TMEM220: variants seen among roughly 807,000 people sequenced by gnomAD.
TMEM220 encodes the protein transmembrane protein 220.
Under a neutral mutation model 21.7 loss-of-function variants are expected in TMEM220, and 21 were observed. That is an observed-to-expected ratio of 0.97 (90% CI 0.69 to 1.39). The LOEUF is 1.39. Among genes scored for constraint, TMEM220 ranks in the 40% most tolerant of loss-of-function variants. The probability of loss-of-function intolerance (pLI) is 0.00; values close to 1 mark genes in which losing one functional copy is unlikely to be tolerated. For missense variants in TMEM220, 191 were observed against 201.9 expected (o/e 0.95, Z 0.33); for synonymous variants, 80 against 73.6 (o/e 1.09, Z -0.45).
chr17:10,728,511 A>G (rs1462063666), intron 2 of TMEM220, among the ~76,000 whole-genome samples: 1 of 151,968 alleles, frequency 6.6e-6, no homozygotes, highest in Non-Finnish European at 1.5e-5. Context: ...GGGTTTCACC[A>G]TGTTGCTCAG....
At chr17:10,724,579 CA>C (rs11302864) in intron 4 of TMEM220, 75,367 of 128,448 alleles carry the variant, frequency 0.59, 20,033 homozygotes, top group African/African-American at 0.76. Context: ...GACTCCGTTT[CA>C]AAAAAAAAAA....
chr17:10,712,928 T>G (rs2074864621), downstream of TMEM220, among the ~76,000 whole-genome samples: 1 of 152,102 alleles, frequency 6.6e-6, no homozygotes, highest in Non-Finnish European at 1.5e-5. Flanking sequence ...GTGATTAGAT[T>G]TGTGTGAAAT....
chr17:10,722,184 G>A (rs1172443498), intron 5 of TMEM220, among the ~76,000 whole-genome samples: 5 of 152,018 alleles, frequency 3.3e-5, no homozygotes, highest in African/African-American at 1.2e-4. Context: ...TAGTAGAGAC[G>A]GGGTTTCGCC....
At chr17:10,713,190 G>C (rs2074866856), downstream of TMEM220, 1 of 150,150 alleles carries the variant, frequency 6.7e-6, no homozygotes. Context: ...AGAATCACTT[G>C]AACCCAGGAG....
At chr17:10,722,096 G>A (rs750173414) in intron 5 of TMEM220, among the ~76,000 whole-genome samples, 13 of 151,602 alleles carry the variant, frequency 8.6e-5, no homozygotes, top group Non-Finnish European at 1.8e-4. Flanking sequence ...GGGTTCAAGC[G>A]ATTCTCTTGC....
At chr17:10,713,108 TA>T (rs1182600567), downstream of TMEM220, among the ~76,000 whole-genome samples, 4 of 151,794 alleles carry the variant, frequency 2.6e-5, no homozygotes, top group African/African-American at 9.7e-5. Flanking sequence ...CCGTCTCTAC[TA>T]AAAATACAAA....
chr17:10,715,709 T>C (rs1189019576), intron 5 of TMEM220, 121 bp from the exon 6 acceptor site: 3 of 662,436 alleles, frequency 4.5e-6, no homozygotes, highest in African/African-American at 1.9e-5. Context: ...AGTTGTTTTA[T>C]TGAAATATAA....
rs1295886121 is a variant in TMEM220 at position 10,723,255 on chromosome 17, G to T, written c.347+15C>A. 1.2e-6 allele frequency: 2 copies of T among 1,612,296 alleles called. No homozygotes were observed. Among genetic ancestry groups the T allele is most frequent in the East Asian group, 4.5e-5 (2 of 44,584 alleles). Reference sequence around the variant, plus strand: ...CGGCCTCCCAAAGTGAAGATGTGATGAGTTGAATACTTACTTTGAGGAACT... The same window carrying T: ...CGGCCTCCCAAAGTGAAGATGTGATTAGTTGAATACTTACTTTGAGGAACT... On this transcript the variant is annotated intron_variant, in intron 5 of 5. Coordinates refer to ENST00000341871, the MANE Select transcript of TMEM220 (RefSeq NM_001004313.3).
chr17:10,716,651 G>T, intron 5 of TMEM220: 4 of 383,078 alleles, frequency 1.0e-5, no homozygotes, highest in South Asian at 2.3e-5. Flanking sequence ...TGGAAAGTAG[G>T]GGTTGTTTCA....
At chr17:10,719,885 T>TG (rs769081237) in intron 5 of TMEM220, among the ~76,000 whole-genome samples, 1 of 152,152 alleles carries the variant, frequency 6.6e-6, no homozygotes, top group Non-Finnish European at 1.5e-5. Flanking sequence ...AACCTTAGAA[T>TG]CAGGTTAAAC....
Position 10,723,258 on chromosome 17 carries a change from T to G in TMEM220, c.347+12A>C, listed in dbSNP as rs372066174. On this transcript the variant is annotated intron_variant, in intron 5 of 5. Transcript: ENST00000341871. ...CCTCCCAAAGTGAAGATGTGATGAG[T>G]TGAATACTTACTTTGAGGAACTGTG... 1.2e-5 allele frequency: 19 copies of G among 1,613,140 alleles called. No homozygotes were observed. Among genetic ancestry groups the G allele is most frequent in the Non-Finnish European group, 1.6e-5 (19 of 1,179,500 alleles).
intron 2 of TMEM220, among the ~76,000 whole-genome samples, chr17:10,727,702 C>A (rs998462004): frequency 3.9e-5 from 6 of 152,120 alleles, no homozygotes; most frequent in Non-Finnish European, 7.4e-5. Context: ...ACTAAAAAAA[C>A]AAAACCTGGA....
chr17:10,723,098 A>G (rs938542512), intron 5 of TMEM220, among the ~76,000 whole-genome samples, 172 bp downstream of exon 5: 13 of 150,898 alleles, frequency 8.6e-5, no homozygotes, highest in African/African-American at 2.4e-4. Flanking sequence ...CCCCTGCCTC[A>G]GCCTCCCAAG....
At chr17:10,726,452 C>T in intron 2 of TMEM220, 188 bp from the exon 3 acceptor site, 1 of 612,398 alleles carries the variant, frequency 1.6e-6, no homozygotes, top group South Asian at 1.9e-5. Context: ...CGTCTGCCTG[C>T]AATTTTATCT....
downstream of TMEM220, chr17:10,711,263 G>A (rs1279390492): frequency 1.3e-6 from 1 of 774,944 alleles, no homozygotes; most frequent in Non-Finnish European, 2.0e-6. Context: ...TGTATTTATA[G>A]TTTCAGTGTG....
At chr17:10,718,264 C>T (rs2074946395) in intron 5 of TMEM220, among the ~76,000 whole-genome samples, 1 of 152,084 alleles carries the variant, frequency 6.6e-6, no homozygotes, top group Non-Finnish European at 1.5e-5. Flanking sequence ...ATCATATCCA[C>T]TTATGATTTT....
At position 10,713,636 on chromosome 17, in the gene TMEM220, C is replaced by A. The variant is rs530408471; in HGVS notation, c.*1817G>T. The A allele has an allele frequency of 6.6e-6, 1 of 152,148 alleles. No homozygotes were observed. Among genetic ancestry groups the A allele is most frequent in the African/African-American group, 2.4e-5 (1 of 41,444 alleles). 9.4% of individuals were successfully genotyped at this position (152,148 alleles called of 1,614,324 possible). ...CACAAATATGTAAGCAAAATATACA[C>A]TGGAAAACTCAAATCCTTTATGTGT... On this transcript the variant is annotated 3_prime_UTR_variant, in exon 6 of 6. Transcript: ENST00000341871.
At chr17:10,727,137 C>G (rs2075057756) in intron 2 of TMEM220, among the ~76,000 whole-genome samples, 1 of 152,144 alleles carries the variant, frequency 6.6e-6, no homozygotes, top group South Asian at 2.1e-4. Flanking sequence ...GTAAAATGTG[C>G]AGGTACTATA....
rs764231748 is a variant in TMEM220, at chr17:10,713,905, A to G, written c.*1548T>C. 3.9e-5 allele frequency: 6 copies of G among 152,204 alleles called. No individual in the cohort carries two copies. Among genetic ancestry groups the G allele is most frequent in the Non-Finnish European group, 5.9e-5 (4 of 68,040 alleles). The allele number at this position is 152,204 out of a possible 1,614,324, so 9.4% of individuals were successfully genotyped here. On this transcript the variant is annotated 3_prime_UTR_variant, in exon 6 of 6. Transcript: ENST00000341871. ...TCATTTACACTCTCCTAACCTGTGG[A>G]AGGCACTACTCGTTCTTTTTGAGTG...
Sources: allele counts gnomAD v4.1 joint callset (sites outside exome capture counted in the v4.1 genomes callset), GRCh38; gene constraint gnomAD v4.1.1; transcripts MANE v1.5; gene names NCBI Gene and HGNC (gene_info 2026-07-23, HGNC 2026-07-21).